PRX: variants seen among roughly 807,000 people sequenced by gnomAD.
The protein encoded by PRX is periaxin.
In PRX, 24 loss-of-function variants were observed where a neutral mutation model predicts 29.6. The observed-to-expected ratio is 0.81, with a 90% CI of 0.59 to 1.14. PRX has a LOEUF of 1.14. Among genes scored for constraint, PRX ranks in the 50% most tolerant of loss-of-function variants. PRX has a pLI of 0.00. For synonymous variants in PRX, 772 were observed against 831.7 expected, an observed-to-expected ratio of 0.93 and a Z score of 1.24; for missense variants, 1,838 against 1,926.4, an observed-to-expected ratio of 0.95 and a Z score of 0.86.
At position 40,395,672 on chromosome 19, in the gene PRX, C is replaced by T. The variant is rs1227629533; in HGVS notation, c.2680G>A (p.Val894Met). Residue 894 changes from valine to methionine, a missense_variant, in exon 7 of 7, where the codon GTG becomes ATG. This residue lies in a region of PRX where 1,143 missense variants were observed against 1,193.0 expected (regional missense o/e 0.96). Coordinates refer to ENST00000324001, the MANE Select transcript of PRX (RefSeq NM_181882.3). ...GPEVAAGVRE[V>M]GFRVPSVEIV... Reference sequence around the variant, plus strand: ...TCAACAGAGGGCACTCGGAAGCCCACTTCCCTGACCCCTGCTGCCACCTCA... The same window carrying T: ...TCAACAGAGGGCACTCGGAAGCCCATTTCCCTGACCCCTGCTGCCACCTCA... 1 of 1,614,222 alleles carries T rather than the reference C, an allele frequency of 6.2e-7. No homozygotes were observed. The highest frequency in any genetic ancestry group is 2.2e-5 in the East Asian group (1 of 44,880).
Position 40,394,085 on chromosome 19 carries a change from T to C in PRX, c.4267A>G (p.Ser1423Gly), listed in dbSNP as rs895345246. Reference protein sequence around the residue: ...PRVSLSPKARSGSGDQEEGGL... With the variant: ...PRVSLSPKARGGSGDQEEGGL... ...CCCTCTTCCTGGTCCCCACTCCCAC[T>C]CCGGGCCTTGGGGCTTAGGGACACC... Residue 1423 changes from serine to glycine, a missense_variant, in exon 7 of 7, where the codon AGT becomes GGT. By Grantham distance (56) the Ser-to-Gly change is moderately conservative (BLOSUM62 0). Around this residue, in one of 3 missense-constraint regions of PRX, gnomAD observed 1,143 missense variants for 1,193.0 expected, o/e 0.96. Coordinates refer to ENST00000324001, the MANE Select transcript of PRX (RefSeq NM_181882.3). This position sits in a 1 kb window ranked among gnomAD's most constrained non-coding sequence, Gnocchi z 5.8. 2 of 1,611,038 alleles carry C rather than the reference T, an allele frequency of 1.2e-6. No individual in the cohort carries two copies. Among genetic ancestry groups the C allele is most frequent in the Non-Finnish European group, 1.7e-6 (2 of 1,177,808 alleles).
chr19:40,396,277 T>C lies in PRX; in HGVS notation c.2075A>G (p.Lys692Arg). The C allele has an allele frequency of 6.2e-7, 1 of 1,612,288 alleles. No homozygotes were observed. Among genetic ancestry groups the C allele is most frequent in the Non-Finnish European group, 8.5e-7 (1 of 1,179,596 alleles). Residue 692 changes from lysine to arginine, a missense_variant, in exon 7 of 7, where the codon AAA becomes AGA. Around this residue, in one of 3 missense-constraint regions of PRX, gnomAD observed 1,143 missense variants for 1,193.0 expected, o/e 0.96. Coordinates refer to ENST00000324001, the MANE Select transcript of PRX (RefSeq NM_181882.3). The stretch of plus-strand genomic sequence containing the variant: ...GGCCATTTCAGGCACCTTGGGGAGT[T>C]TCATCTCTGAGACTTTTGGCAGCTG... ...EVQLPKVSEMKLPKVPEMAVP... is the reference protein window; with the variant it reads ...EVQLPKVSEMRLPKVPEMAVP...
intron 5 of PRX, among the ~76,000 whole-genome samples, chr19:40,401,567 TC>T (rs1052580390): frequency 6.6e-6 from 1 of 151,824 alleles, no homozygotes; most frequent in Admixed American, 6.6e-5. Context: ...CTAAAAAGTG[TC>T]CTCCCCTTAC....
chr19:40,404,437 T>TGGGG (rs2079518949), intron 4 of PRX, among the ~76,000 whole-genome samples: 1 of 123,526 alleles, frequency 8.1e-6, no homozygotes, highest in Non-Finnish European at 1.8e-5. Flanking sequence ...GGGGGGTTGG[T>TGGGG]GCGGGTAGGA....
chr19:40,397,822 C>A lies in PRX; in HGVS notation c.530G>T (p.Gly177Val). Residue 177 changes from glycine to valine, a missense_variant, in exon 7 of 7, where the codon GGT becomes GTT. Transcript: ENST00000324001. Reference protein sequence around the residue: ...RRGLKAEAVKGPVPAAPARRR... With the variant: ...RRGLKAEAVKVPVPAAPARRR... The stretch of plus-strand genomic sequence containing the variant: ...GCGGGCAGGGGCAGCCGGGACAGGA[C>A]CCTTGACAGCCTCGGCTTTGAGGCC... 1 of 1,591,418 alleles carries A rather than the reference C, an allele frequency of 6.3e-7. No individual in the cohort carries two copies. The highest frequency in any genetic ancestry group is 1.3e-5 in the African/African-American group (1 of 74,916).
rs199640290 is a variant in PRX at position 40,394,765 on chromosome 19, C to G, written c.3587G>C (p.Gly1196Ala). The G allele has an allele frequency of 6.8e-6, 11 of 1,613,702 alleles. No homozygotes were observed. The highest frequency in any genetic ancestry group is 2.2e-5 in the East Asian group (1 of 44,874). The stretch of plus-strand genomic sequence containing the variant: ...CAGCTCACCACCTGCAACCTGGGCT[C>G]CAGGCAGAGACAGGGTCACCTGGGG... Reference protein sequence around the residue: ...QVPQVTLSLPGAQVAGGELLV... With the variant: ...QVPQVTLSLPAAQVAGGELLV... The change falls in exon 7 of 7, where the codon GGA becomes GCA. Residue 1196 changes from glycine to alanine, a missense_variant. Physicochemically the swap from Gly to Ala is moderately conservative, Grantham distance 60. Coordinates refer to ENST00000324001, the MANE Select transcript of PRX (RefSeq NM_181882.3). The surrounding 1 kb of genome is among the most constrained non-coding windows in gnomAD (Gnocchi z 5.8).
At position 40,403,853 on chromosome 19, in the gene PRX, G is replaced by C. The variant is rs2145741538; in HGVS notation, c.37C>G (p.Arg13Gly). The change falls in exon 5 of 7, where the codon CGG becomes GGG. Residue 13 changes from arginine (R) to glycine (G), a missense_variant. This residue lies in a region of PRX where 666 missense variants were observed against 665.0 expected (regional missense o/e 1.00). Transcript: ENST00000324001. Reference sequence around the variant, plus strand: ...ACGATAATTTCCACCAACTCCGCCCGCCTCAGCTCCTGCAGAGGGCGGCGA... The same window carrying C: ...ACGATAATTTCCACCAACTCCGCCCCCCTCAGCTCCTGCAGAGGGCGGCGA... ...ARSRSAEELR[R>G]AELVEIIVET... 1 of 1,608,280 alleles carries C rather than the reference G, an allele frequency of 6.2e-7. No homozygotes were observed. Among genetic ancestry groups the C allele is most frequent in the East Asian group, 2.2e-5 (1 of 44,754 alleles).
rs1568717094 is a variant in PRX at position 40,407,984 on chromosome 19, C to G, written c.-52G>C. 1 of 1,612,614 alleles carries G rather than the reference C, an allele frequency of 6.2e-7. No individual in the cohort carries two copies. Among genetic ancestry groups the G allele is most frequent in the Non-Finnish European group, 8.5e-7 (1 of 1,179,692 alleles). On this transcript the variant is annotated 5_prime_UTR_variant, in exon 4 of 7. Coordinates refer to ENST00000324001, the MANE Select transcript of PRX (RefSeq NM_181882.3). ...CAGGCTCCTGTGTCCTCTCCCCTTT[C>G]TGCTGCAGAACCAGCTTCAGTTCTG... is the stretch of plus-strand genomic sequence containing the variant.
chr19:40,398,086 T>C lies in PRX; in HGVS notation c.382-116A>G. 1 of 1,455,760 alleles carries C rather than the reference T, an allele frequency of 6.9e-7. No individual in the cohort carries two copies. Among genetic ancestry groups the C allele is most frequent in the Non-Finnish European group, 9.1e-7 (1 of 1,104,380 alleles). 90.2% of individuals were successfully genotyped at this position (1,455,760 alleles called of 1,614,324 possible). The stretch of plus-strand genomic sequence containing the variant: ...GGGATGTGCTGGGTCAAGTATCTTG[T>C]TCCCCAAACATCATCCCCACTTCTT... On this transcript the variant is annotated intron_variant, in intron 6 of 6. Transcript: ENST00000324001. The surrounding 1 kb of genome is among the most constrained non-coding windows in gnomAD (Gnocchi z 6.3).
intron 4 of PRX, 37 bp from the exon 5 acceptor site, chr19:40,403,899 G>A (rs897038762): frequency 1.1e-5 from 18 of 1,595,426 alleles, no homozygotes; most frequent in Non-Finnish European, 1.4e-5. Context: ...TGGGGCTCTA[G>A]GGCCGGACCT....
intron 5 of PRX, among the ~76,000 whole-genome samples, chr19:40,403,445 G>A (rs1047658396): frequency 5.9e-5 from 9 of 152,076 alleles, no homozygotes; most frequent in African/African-American, 1.9e-4. Context: ...ACTAGAATAA[G>A]TCCCATTTCA....
chr19:40,395,915 C>T lies in PRX; in HGVS notation c.2437G>A (p.Glu813Lys). 3 of 1,614,230 alleles carry T rather than the reference C, an allele frequency of 1.9e-6. No homozygotes were observed. Among genetic ancestry groups the T allele is most frequent in the Non-Finnish European group, 2.5e-6 (3 of 1,180,052 alleles). The change falls in exon 7 of 7, where the codon GAG becomes AAG. Residue 813 changes from glutamate to lysine, a missense_variant. By Grantham distance (56) the Glu-to-Lys change is moderately conservative. This residue lies in a region of PRX where 1,143 missense variants were observed against 1,193.0 expected (regional missense o/e 0.96). Transcript: ENST00000324001. ...KMTMPKLGRA[E>K]SPSRGKPGEA... ...CCTGGCTTGCCACGTGATGGGGACT[C>T]TGCCCTCCCTAGCTTGGGCATGGTC... is the stretch of plus-strand genomic sequence containing the variant.
rs1273875504 is a variant in PRX, at chr19:40,397,372, T to C, written c.980A>G (p.Asp327Gly). The change falls in exon 7 of 7, where the codon GAT (aspartate) becomes GGT (glycine). Residue 327 changes from aspartate (D) to glycine (G), a missense_variant. Around this residue, in one of 3 missense-constraint regions of PRX, gnomAD observed 666 missense variants for 665.0 expected, o/e 1.00. Transcript: ENST00000324001. The part of the protein sequence containing the change: ...GAVSVVVPTL[D>G]VAAPTVGVDL... ...CACCCCCACAGTCGGTGCTGCCACATCCAGGGTGGGCACCACTACCGACAC... is the reference window on the plus strand; with the variant it reads ...CACCCCCACAGTCGGTGCTGCCACACCCAGGGTGGGCACCACTACCGACAC... The C allele has an allele frequency of 6.2e-7, 1 of 1,612,690 alleles. No homozygotes were observed. The highest frequency in any genetic ancestry group is 1.3e-5 in the African/African-American group (1 of 74,880).
At chr19:40,402,314 A>G (rs534352447) in intron 5 of PRX, among the ~76,000 whole-genome samples, 2 of 152,014 alleles carry the variant, frequency 1.3e-5, no homozygotes, top group Non-Finnish European at 2.9e-5. Context: ...AGATCGTGCC[A>G]CTGCACTCCA....
Position 40,396,067 on chromosome 19 carries a change from T to C in PRX, c.2285A>G (p.Lys762Arg), listed in dbSNP as rs202165534. 33 of 1,614,038 alleles carry C rather than the reference T, an allele frequency of 2.0e-5. No homozygotes were observed. Among genetic ancestry groups the C allele is most frequent in the Non-Finnish European group, 2.8e-5 (33 of 1,180,036 alleles). The change falls in exon 7 of 7, where the codon AAG (lysine) becomes AGG (arginine). Residue 762 changes from lysine to arginine, a missense_variant. This residue lies in a region of PRX where 1,143 missense variants were observed against 1,193.0 expected (regional missense o/e 0.96). Coordinates refer to ENST00000324001, the MANE Select transcript of PRX (RefSeq NM_181882.3). ...CTTCGGAAGATGCACGTCGGGAACCTTCGGCACTTGCATTTCCGGCAGCCG... is the reference window on the plus strand; with the variant it reads ...CTTCGGAAGATGCACGTCGGGAACCCTCGGCACTTGCATTTCCGGCAGCCG... ...EIRLPEMQVPKVPDVHLPKAP... is the reference protein window; with the variant it reads ...EIRLPEMQVPRVPDVHLPKAP...
chr19:40,395,731 G>T lies in PRX; in HGVS notation c.2621C>A (p.Ala874Asp). The change falls in exon 7 of 7, where the codon GCT (alanine) becomes GAT (aspartate). Residue 874 changes from alanine to aspartate, a missense_variant. This residue lies in a region of PRX where 1,143 missense variants were observed against 1,193.0 expected (regional missense o/e 0.96). Transcript: ENST00000324001. ...ALGLQGQVPA[A>D]KMGKGERVEG... ...CACCCGCTCTCCCTTGCCCATTTTA[G>T]CGGCTGGGACCTGCCCCTGCAGGCC... 1 of 1,613,984 alleles carries T rather than the reference G, an allele frequency of 6.2e-7. No individual in the cohort carries two copies. The highest frequency in any genetic ancestry group is 1.1e-5 in the South Asian group (1 of 91,082).
chr19:40,404,687 C>T (rs774275305), intron 4 of PRX, among the ~76,000 whole-genome samples: 2 of 151,992 alleles, frequency 1.3e-5, no homozygotes, highest in Non-Finnish European at 2.9e-5. Context: ...CCTTCCGCTC[C>T]GGTCTCCCAA....
rs981510213 is a variant in PRX at position 40,395,158 on chromosome 19, G to A, written c.3194C>T (p.Ser1065Phe). 1 of 1,614,046 alleles carries A rather than the reference G, an allele frequency of 6.2e-7. No individual in the cohort carries two copies. The part of the protein sequence containing the change: ...RVKMPKLKMP[S>F]FGLARGKEAE... ...TTCCTTCCCTCGAGCCAGCCCAAAG[G>A]AAGGCATCTTCAGCTTGGGCATCTT... The change falls in exon 7 of 7, where the codon TCC (serine) becomes TTC (phenylalanine). Residue 1065 changes from serine (S) to phenylalanine (F), a missense_variant. By Grantham distance (155) the Ser-to-Phe change is radical. Transcript: ENST00000324001.
chr19:40,395,431 T>TCAGCCC lies in PRX; in HGVS notation c.2915_2920dup (p.Gly972_Ala973dup), dbSNP rs1340640661. ...CTCCCCAGCCCCTTTGGCCTCAGCC[T>TCAGCCC]CAGCCCCCACCCGAGCCTTGGGGAG... On this transcript the variant is annotated inframe_insertion, in exon 7 of 7. Coordinates refer to ENST00000324001, the MANE Select transcript of PRX (RefSeq NM_181882.3). 4 of 1,613,956 alleles carry TCAGCCC rather than the reference T, an allele frequency of 2.5e-6. No homozygotes were observed. The East Asian group carries it at 6.7e-5, about 27-fold the overall frequency.
Sources: gnomAD v4.1 joint callset for allele counts (sites outside exome capture counted in the v4.1 genomes callset) on GRCh38, gnomAD v4.1.1 for gene constraint, gnomAD v4.1.1 regional missense constraint, Gnocchi (gnomAD v3.1) non-coding constraint, MANE v1.5 for transcripts, NCBI Gene and HGNC (gene_info 2026-07-23, HGNC 2026-07-21) for gene names.